The following ROBO1 variants were observed in gnomAD, a reference collection of about 807,000 sequenced individuals.
ROBO1 encodes the protein roundabout guidance receptor 1.
A neutral mutation model predicts 195.9 loss-of-function variants in ROBO1; 149 were observed. The observed-to-expected ratio is 0.76, with a 90% CI of 0.67 to 0.87. The LOEUF is 0.87. Ranked by LOEUF, ROBO1 falls within the 40% of genes least tolerant of loss-of-function variation. The pLI, the probability that ROBO1 is intolerant of heterozygous loss-of-function variation, is 0.00. For synonymous variants in ROBO1, 816 were observed against 733.2 expected (o/e 1.11, Z -1.82); for missense variants, 1,933 against 2,068.3 (o/e 0.93, Z 1.27).
At chr3:79,280,810 G>A (rs1287267150) in intron 2 of ROBO1, among the ~76,000 whole-genome samples, 2 of 152,114 alleles carry the variant, frequency 1.3e-5, no homozygotes, top group Non-Finnish European at 2.9e-5. Context: ...TACATTGCTC[G>A]CATGCGCACT....
chr3:78,865,219 C>T (rs1244783285), intron 4 of ROBO1, among the ~76,000 whole-genome samples: 1 of 152,096 alleles, frequency 6.6e-6, no homozygotes, highest in Non-Finnish European at 1.5e-5. Flanking sequence ...ATAACTGGAA[C>T]AAAATGTATA....
intron 2 of ROBO1, among the ~76,000 whole-genome samples, chr3:79,309,749 T>C (rs2033395441): frequency 6.6e-6 from 1 of 152,200 alleles, no homozygotes; most frequent in Non-Finnish European, 1.5e-5. Context: ...TTTTTACAAG[T>C]GTATTAGACA....
chr3:79,024,395 C>A (rs183928197), intron 3 of ROBO1, among the ~76,000 whole-genome samples: 34 of 152,286 alleles, frequency 2.2e-4, no homozygotes, highest in Admixed American at 2.2e-3. Flanking sequence ...GGGTCCCTTA[C>A]AAACATTATC....
intron 5 of ROBO1, among the ~76,000 whole-genome samples, chr3:78,729,130 C>G (rs1488916097): frequency 6.6e-5 from 10 of 152,182 alleles, no homozygotes; most frequent in Non-Finnish European, 4.4e-5. Flanking sequence ...TCCATTTCTC[C>G]TCCTAAATTT....
At chr3:78,903,668 T>C (rs1203147203) in intron 4 of ROBO1, among the ~76,000 whole-genome samples, 2 of 152,138 alleles carry the variant, frequency 1.3e-5, no homozygotes, top group Non-Finnish European at 2.9e-5. Context: ...AGTGTGGTTA[T>C]CTTTATTTAT....
chr3:78,647,953 G>A (rs908356371), intron 19 of ROBO1, among the ~76,000 whole-genome samples: 1 of 152,024 alleles, frequency 6.6e-6, no homozygotes, highest in African/African-American at 2.4e-5. Context: ...CGTGGCTTTC[G>A]TACAAACAAG....
At chr3:78,641,235 T>C (rs1705930243) in intron 21 of ROBO1, among the ~76,000 whole-genome samples, 1 of 151,966 alleles carries the variant, frequency 6.6e-6, no homozygotes, top group South Asian at 2.1e-4. Context: ...CTAAGAGAGG[T>C]TAAGAAGTTT....
chr3:79,405,077 A>AT (rs1358528730), intron 2 of ROBO1, among the ~76,000 whole-genome samples: 1 of 152,134 alleles, frequency 6.6e-6, no homozygotes, highest in Non-Finnish European at 1.5e-5. Context: ...TAATTTACAA[A>AT]TATTCATGAT....
chr3:79,041,588 G>A lies in ROBO1; in HGVS notation c.172+83868C>T, dbSNP rs566750230. 5.9e-5 allele frequency among the ~76,000 whole-genome samples: 9 copies of A among 152,234 alleles called. No homozygotes were observed. The South Asian group carries it at 1.2e-3, about 21-fold the overall frequency. On this transcript the variant is annotated intron_variant, in intron 3 of 30. Transcript: ENST00000464233. ...CTCAAAGCACTGATGCTGTGACAGA[G>A]AGTGGAAGATATAAGTAAAAACTGT...
chr3:79,270,946 C>CT (rs938722559), intron 2 of ROBO1, among the ~76,000 whole-genome samples: 10 of 151,772 alleles, frequency 6.6e-5, no homozygotes, highest in East Asian at 1.9e-4. Flanking sequence ...CAAAGAGCTA[C>CT]TTTTTTTACT....
chr3:78,891,492 C>T (rs162427), intron 4 of ROBO1, among the ~76,000 whole-genome samples: 55,712 of 151,998 alleles, frequency 0.37, 10,601 homozygotes, highest in African/African-American at 0.46. Context: ...CCCTCTTCCA[C>T]TGCTGGTAGA....
chr3:79,196,256 G>C (rs2081631790), intron 2 of ROBO1, among the ~76,000 whole-genome samples: 1 of 149,110 alleles, frequency 6.7e-6, no homozygotes, highest in Non-Finnish European at 1.5e-5. Context: ...CGTAGAGCTA[G>C]AAGGATGAGA....
intron 3 of ROBO1, among the ~76,000 whole-genome samples, chr3:78,998,798 C>T (rs918364560): frequency 1.3e-5 from 2 of 152,090 alleles, no homozygotes; most frequent in Non-Finnish European, 2.9e-5. Context: ...AATCCAACTT[C>T]CATGCTACTG....
chr3:79,013,794 A>G (rs1048519276), intron 3 of ROBO1, among the ~76,000 whole-genome samples: 4 of 152,190 alleles, frequency 2.6e-5, no homozygotes, highest in Admixed American at 2.0e-4. Context: ...TAAATAAGAT[A>G]ATGGTGAGTG....
chr3:79,533,956 A>G (rs1264534301), intron 2 of ROBO1, among the ~76,000 whole-genome samples: 1 of 152,036 alleles, frequency 6.6e-6, no homozygotes, highest in Non-Finnish European at 1.5e-5. Context: ...TAATCAGCTG[A>G]ATCTATTATA....
At chr3:78,897,367 C>T (rs79938496) in intron 4 of ROBO1, among the ~76,000 whole-genome samples, 2 of 152,290 alleles carry the variant, frequency 1.3e-5, no homozygotes, top group East Asian at 3.9e-4. Context: ...ATAAACACAT[C>T]AAAAGCAATT....
chr3:78,710,582 T>C (rs942310016), intron 8 of ROBO1, among the ~76,000 whole-genome samples: 1 of 152,208 alleles, frequency 6.6e-6, no homozygotes, highest in Non-Finnish European at 1.5e-5. Flanking sequence ...ATATGTTAAA[T>C]ATCCTTATAC....
chr3:79,191,868 T>C lies in ROBO1; in HGVS notation c.89-66329A>G, dbSNP rs2081547496. On this transcript the variant is annotated intron_variant, in intron 2 of 30. Transcript: ENST00000464233. ...GTTTTAAGGTCTCTTGGTACAAGAA[T>C]TTCTGTAATCTGGGACAAGGACTTA... is the stretch of plus-strand genomic sequence containing the variant. Among the ~76,000 whole-genome samples the C allele has an allele frequency of 2.6e-5, 4 of 151,546 alleles. No individual in the cohort carries two copies. In the Admixed American group the frequency reaches 2.6e-4, roughly 10 times the overall value.
At chr3:79,496,142 GT>G (rs1350966072) in intron 2 of ROBO1, among the ~76,000 whole-genome samples, 3 of 139,580 alleles carry the variant, frequency 2.1e-5, no homozygotes, top group African/African-American at 8.0e-5. Context: ...GAACCTGGGA[GT>G]TGGAGGTTGC....
Sources: allele counts gnomAD v4.1 joint callset (sites outside exome capture counted in the v4.1 genomes callset), GRCh38; gene constraint gnomAD v4.1.1; transcripts MANE v1.5; gene names NCBI Gene and HGNC (gene_info 2026-07-23, HGNC 2026-07-21).